Variants in WWOX observed in about 807,000 individuals in gnomAD.
WWOX encodes WW domain-containing oxidoreductase.
In WWOX, 69 loss-of-function variants were observed where a neutral mutation model predicts 46.2. The observed-to-expected ratio is 1.49, with a 90% CI of 1.23 to 1.82. The LOEUF is 1.82. Ranked by LOEUF, WWOX falls within the 40% of genes most tolerant of loss-of-function variation. The probability of loss-of-function intolerance (pLI) is 0.00; values close to 1 mark genes in which losing one functional copy is unlikely to be tolerated. For missense variants in WWOX, 919 were observed against 542.6 expected, an observed-to-expected ratio of 1.69 and a Z score of -6.89; for synonymous variants, 359 against 202.6, an observed-to-expected ratio of 1.77 and a Z score of -6.56.
At chr16:79,138,507 C>G (rs1597409082) in intron 8 of WWOX, among the ~76,000 whole-genome samples, 2 of 152,332 alleles carry the variant, frequency 1.3e-5, no homozygotes, top group African/African-American at 4.8e-5. Context: ...TGTGGCCCCA[C>G]TGTGCCATAG....
intron 8 of WWOX, among the ~76,000 whole-genome samples, chr16:78,885,216 T>C (rs2044429673): frequency 6.8e-6 from 1 of 147,416 alleles, no homozygotes; most frequent in Non-Finnish European, 1.5e-5. Flanking sequence ...TTTTAATAGG[T>C]CTTGTCATTT....
intron 8 of WWOX, among the ~76,000 whole-genome samples, chr16:78,848,351 A>T (rs879160487): frequency 6.6e-6 from 1 of 152,194 alleles, no homozygotes; most frequent in Admixed American, 6.5e-5. Flanking sequence ...AGACAGTCTA[A>T]CTAAATGCAC....
intron 8 of WWOX, among the ~76,000 whole-genome samples, chr16:78,539,425 G>C (rs1054107389): frequency 1.3e-5 from 2 of 152,232 alleles, no homozygotes. Context: ...TTTAGGGGGA[G>C]AGGTTAGAGT....
intron 8 of WWOX, among the ~76,000 whole-genome samples, chr16:78,945,833 G>A (rs1199731158): frequency 6.6e-6 from 1 of 152,092 alleles, no homozygotes. Flanking sequence ...GGTTGAGCAT[G>A]GAGGGAACTT....
chr16:79,062,755 C>T (rs2048377685), intron 8 of WWOX, among the ~76,000 whole-genome samples: 1 of 152,178 alleles, frequency 6.6e-6, no homozygotes. Context: ...ACTCCTTCAG[C>T]CCCGGAACAT....
chr16:78,615,844 G>A (rs1256519982), intron 8 of WWOX, among the ~76,000 whole-genome samples: 1 of 151,270 alleles, frequency 6.6e-6, no homozygotes, highest in Non-Finnish European at 1.5e-5. Context: ...TCCGCCTCCC[G>A]AGTTCACGCC....
chr16:78,409,287 G>T (rs1364692878), intron 6 of WWOX, among the ~76,000 whole-genome samples: 1 of 152,128 alleles, frequency 6.6e-6, no homozygotes, highest in African/African-American at 2.4e-5. Flanking sequence ...GACAAACACA[G>T]TCATAGAGCT....
chr16:78,749,189 C>T (rs576774149), intron 8 of WWOX, among the ~76,000 whole-genome samples: 3 of 152,152 alleles, frequency 2.0e-5, no homozygotes, highest in African/African-American at 7.2e-5. Flanking sequence ...CATGGGGTGA[C>T]CTGTGTGCCA....
intron 8 of WWOX, among the ~76,000 whole-genome samples, chr16:78,972,562 G>C (rs181134145): frequency 6.6e-6 from 1 of 151,594 alleles, no homozygotes; most frequent in Non-Finnish European, 1.5e-5. Context: ...CAAATTTACC[G>C]TCATCAGCAG....
chr16:78,893,854 G>C (rs2044643229), intron 8 of WWOX, among the ~76,000 whole-genome samples: 1 of 151,796 alleles, frequency 6.6e-6, no homozygotes, highest in Non-Finnish European at 1.5e-5. Flanking sequence ...AGTATCTTTT[G>C]TTTTCTAGCA....
intron 4 of WWOX, among the ~76,000 whole-genome samples, chr16:78,152,305 T>C (rs2034443549): frequency 6.6e-6 from 1 of 152,250 alleles, no homozygotes. Context: ...CAATATAATT[T>C]ATATAACCTA....
chr16:78,425,100 C>A (rs1181472375), intron 7 of WWOX, 45 bp downstream of exon 7: 1 of 1,606,098 alleles, frequency 6.2e-7, no homozygotes, highest in South Asian at 1.1e-5. Flanking sequence ...CTTTCTCATA[C>A]CAGCTAATAT....
intron 8 of WWOX, among the ~76,000 whole-genome samples, chr16:79,211,270 C>G (rs1337910083): frequency 1.3e-5 from 2 of 152,154 alleles, no homozygotes; most frequent in African/African-American, 2.4e-5. Flanking sequence ...TGAATTTGTT[C>G]TTGCACGTTC....
chr16:78,537,165 C>T (rs952988929), intron 8 of WWOX, among the ~76,000 whole-genome samples: 1 of 152,078 alleles, frequency 6.6e-6, no homozygotes, highest in Admixed American at 6.5e-5. Flanking sequence ...GATCTGCCTG[C>T]CTCAGCCTCC....
intron 8 of WWOX, among the ~76,000 whole-genome samples, chr16:78,764,406 C>CT (rs534356156): frequency 1.4e-3 from 209 of 151,084 alleles, no homozygotes; most frequent in African/African-American, 4.8e-3. Context: ...GCATTCTGTC[C>CT]TCTTGTTGGA....
In WWOX at chr16:78,599,557, C is replaced by G. The variant is rs541651258; in HGVS notation, c.1056+166805C>G. ...ATGGCCTCAGGAGGGCCACATTCCT[C>G]TCATTTCCAGGCCTCCCCACTTAAT... is the stretch of plus-strand genomic sequence containing the variant. On this transcript the variant is annotated intron_variant, in intron 8 of 8. Coordinates refer to ENST00000566780, the MANE Select transcript of WWOX (RefSeq NM_016373.4). Among the ~76,000 whole-genome samples the G allele has an allele frequency of 1.6e-4, 24 of 152,336 alleles. 1 individual carries two copies. The highest frequency in any genetic ancestry group is 1.0e-3 in the Admixed American group (16 of 15,306).
At chr16:78,394,768 T>C (rs1417277691) in intron 6 of WWOX, among the ~76,000 whole-genome samples, 2 of 152,210 alleles carry the variant, frequency 1.3e-5, no homozygotes, top group Non-Finnish European at 2.9e-5. Flanking sequence ...AATAAAACTT[T>C]ACAAAACAGA....
chr16:78,629,392 ACTGGCATCT>A (rs1267501540), intron 8 of WWOX, among the ~76,000 whole-genome samples: 2 of 152,144 alleles, frequency 1.3e-5, no homozygotes, highest in Non-Finnish European at 2.9e-5. Context: ...AAGATTTCTC[ACTGGCATCT>A]CTGCTTCCCC....
chr16:78,403,305 C>G (rs1355133018), intron 6 of WWOX, among the ~76,000 whole-genome samples: 2 of 152,146 alleles, frequency 1.3e-5, no homozygotes. Context: ...TTTAAATAAA[C>G]TCTCTTTGCA....
Sources: gnomAD v4.1 joint callset for allele counts (sites outside exome capture counted in the v4.1 genomes callset) on GRCh38, gnomAD v4.1.1 for gene constraint, MANE v1.5 for transcripts, NCBI Gene and HGNC (gene_info 2026-07-23, HGNC 2026-07-21) for gene names.